The following ARHGAP35 variants were observed in gnomAD, a reference collection of about 807,000 sequenced individuals.
ARHGAP35 encodes the protein Rho GTPase activating protein 35, also known as rho GTPase-activating protein 35.
A neutral mutation model predicts 111.1 loss-of-function variants in ARHGAP35; 15 were observed. The observed-to-expected ratio is 0.13, with a 90% CI of 0.09 to 0.21. ARHGAP35 has a LOEUF of 0.21. Among genes scored for constraint, ARHGAP35 ranks in the 10% least tolerant of loss-of-function variants. The pLI is 1.00. For synonymous variants in ARHGAP35, 643 were observed against 710.3 expected, an observed-to-expected ratio of 0.91 and a Z score of 1.51; for missense variants, 1,262 against 1,873.0, an observed-to-expected ratio of 0.67 and a Z score of 6.02.
intron 1 of ARHGAP35, among the ~76,000 whole-genome samples, chr19:46,867,612 C>T (rs1218216442): frequency 6.6e-6 from 1 of 152,198 alleles, no homozygotes; most frequent in Non-Finnish European, 1.5e-5. Context: ...ATTGTCATCT[C>T]TCTCTCTAGA....
rs532483563 is a variant in ARHGAP35, at chr19:46,987,823, G to C, written c.3827-166G>C. Among the ~76,000 whole-genome samples, 4 of 152,278 alleles carry C rather than the reference G, an allele frequency of 2.6e-5. No individual in the cohort carries two copies. The East Asian group carries it at 7.7e-4, about 29-fold the overall frequency. ...GAAAAAGAAAATGGAGGTCAGATGG[G>C]TTGAAGCATCTAGAAAAATCAAACG... On this transcript the variant is annotated intron_variant, in intron 3 of 6. Coordinates refer to ENST00000672722, the MANE Select transcript of ARHGAP35 (RefSeq NM_004491.5).
rs1398181899 is a variant in ARHGAP35, at chr19:46,945,667, C to G, written c.3826+8259C>G. On this transcript the variant is annotated intron_variant, in intron 3 of 6. Transcript: ENST00000672722. The surrounding 1 kb of genome is among the most constrained non-coding windows in gnomAD (Gnocchi z 4.1). ...GTCTCAGCGTTCTGGAGACAGAATC[C>G]TAGTGCCCCACTTGCCTTGGCTCTG... is the stretch of plus-strand genomic sequence containing the variant. Among the ~76,000 whole-genome samples, 1 of 152,178 alleles carries G rather than the reference C, an allele frequency of 6.6e-6. No individual in the cohort carries two copies. Among genetic ancestry groups the G allele is most frequent in the Non-Finnish European group, 1.5e-5 (1 of 68,020 alleles).
rs143349819 is a variant in ARHGAP35 at position 46,866,993 on chromosome 19, G to A, written c.-189+5784G>A. Among the ~76,000 whole-genome samples, 1,196 of 152,272 alleles carry A rather than the reference G, an allele frequency of 7.9e-3. 8 individuals are homozygous for A. Among genetic ancestry groups the A allele is most frequent in the African/African-American group, 0.027 (1,119 of 41,538 alleles). On this transcript the variant is annotated intron_variant, in intron 1 of 6. Transcript: ENST00000672722. ...ATTAAGAAATGCAAACAAATAATTCGTGTTCATCTTCCCAAAACTTTTGAT... is the reference window on the plus strand; with the variant it reads ...ATTAAGAAATGCAAACAAATAATTCATGTTCATCTTCCCAAAACTTTTGAT...
chr19:46,967,013 G>A (rs1025239836), intron 3 of ARHGAP35, among the ~76,000 whole-genome samples: 1 of 152,176 alleles, frequency 6.6e-6, no homozygotes, highest in Admixed American at 6.5e-5. Context: ...TGAGAGTCAG[G>A]TGTAGAGGTG....
At chr19:46,913,214 C>T (rs1158173660) in intron 1 of ARHGAP35, among the ~76,000 whole-genome samples, 1 of 148,326 alleles carries the variant, frequency 6.7e-6, no homozygotes, top group African/African-American at 2.5e-5. Flanking sequence ...TTACAGAGCA[C>T]ACAAACATTT....
At chr19:46,949,521 A>G (rs1189819172) in intron 3 of ARHGAP35, among the ~76,000 whole-genome samples, 1 of 152,228 alleles carries the variant, frequency 6.6e-6, no homozygotes. Context: ...TGATACATTT[A>G]TAAAACAAGT....
rs1351073036 is a variant in ARHGAP35 at position 46,931,904 on chromosome 19, T to C, written c.3682-5360T>C. 5.9e-5 allele frequency among the ~76,000 whole-genome samples: 9 copies of C among 152,302 alleles called. No individual in the cohort carries two copies. In the South Asian group the frequency reaches 1.7e-3, roughly 28 times the overall value. Reference sequence around the variant, plus strand: ...TACCTTGCAGAGTGGTCGTGAAGTTTTGAATAATTGTGCAGAGCAGCTACC... The same window carrying C: ...TACCTTGCAGAGTGGTCGTGAAGTTCTGAATAATTGTGCAGAGCAGCTACC... On this transcript the variant is annotated intron_variant, in intron 2 of 6. Coordinates refer to ENST00000672722, the MANE Select transcript of ARHGAP35 (RefSeq NM_004491.5).
intron 1 of ARHGAP35, among the ~76,000 whole-genome samples, chr19:46,911,545 G>A (rs191351102): frequency 1.8e-4 from 28 of 152,310 alleles, no homozygotes; most frequent in Admixed American, 1.6e-3. Flanking sequence ...TTTAGCTGCT[G>A]TATAACTAGA....
At chr19:46,962,066 CT>C (rs1487417924) in intron 3 of ARHGAP35, among the ~76,000 whole-genome samples, 3 of 152,120 alleles carry the variant, frequency 2.0e-5, no homozygotes, top group African/African-American at 7.2e-5. Flanking sequence ...GCACAAAAGG[CT>C]TCTGGAATGC....
intron 5 of ARHGAP35, among the ~76,000 whole-genome samples, chr19:46,998,097 G>A (rs151328921): frequency 1.8e-3 from 271 of 151,100 alleles, no homozygotes; most frequent in African/African-American, 6.0e-3. Flanking sequence ...GTGAGACTCC[G>A]TCTCAAAAAA....
In ARHGAP35 at chr19:46,920,672, A is replaced by G. The variant is rs1011006322; in HGVS notation, c.1997A>G (p.Asn666Ser). The change falls in exon 2 of 7, where the codon AAT (asparagine) becomes AGT (serine). Residue 666 changes from asparagine (N) to serine (S), a missense_variant. Asn to Ser is a conservative substitution (Grantham distance 46). Coordinates refer to ENST00000672722, the MANE Select transcript of ARHGAP35 (RefSeq NM_004491.5). The surrounding 1 kb of genome is among the most constrained non-coding windows in gnomAD (Gnocchi z 7.0). ...FQPHGCLCLY[N>S]SKESLSYVVE... ...CCCCACGGCTGTCTCTGCCTTTACA[A>G]TTCAAAGGAATCGCTATCCTATGTA... 2 of 1,614,012 alleles carry G rather than the reference A, an allele frequency of 1.2e-6. No homozygotes were observed. Among genetic ancestry groups the G allele is most frequent in the South Asian group, 1.1e-5 (1 of 91,082 alleles).
chr19:46,965,850 A>C (rs981295561), intron 3 of ARHGAP35, among the ~76,000 whole-genome samples: 1 of 152,156 alleles, frequency 6.6e-6, no homozygotes, highest in Non-Finnish European at 1.5e-5. Context: ...AATATTCTTT[A>C]GCCTCACAAT....
intron 1 of ARHGAP35, among the ~76,000 whole-genome samples, chr19:46,896,085 A>G (rs2056054402): frequency 6.6e-6 from 1 of 151,634 alleles, no homozygotes; most frequent in Non-Finnish European, 1.5e-5. Flanking sequence ...CTCGGTGACA[A>G]GAATGAAACC....
intron 2 of ARHGAP35, among the ~76,000 whole-genome samples, chr19:46,928,355 C>CA (rs1194666155): frequency 6.6e-6 from 1 of 152,200 alleles, no homozygotes; most frequent in Non-Finnish European, 1.5e-5. Context: ...TGTAGGGACT[C>CA]AAATTATTCC....
chr19:46,872,683 G>A (rs939282169), intron 1 of ARHGAP35, among the ~76,000 whole-genome samples: 13 of 151,944 alleles, frequency 8.6e-5, no homozygotes, highest in Admixed American at 4.6e-4. Context: ...GATCGAGACC[G>A]TCCTGGCTAA....
Position 46,920,734 on chromosome 19 carries a change from G to C in ARHGAP35, c.2059G>C (p.Gly687Arg). The change falls in exon 2 of 7, where the codon GGC becomes CGC. Residue 687 changes from glycine to arginine, a missense_variant. This residue lies in a region of ARHGAP35 where 579 missense variants were observed against 716.9 expected (regional missense o/e 0.81). Transcript: ENST00000672722. The surrounding 1 kb of genome is among the most constrained non-coding windows in gnomAD (Gnocchi z 7.0). The part of the protein sequence containing the change: ...SIEKSRESTL[G>R]RRDNHLVHLP... ...AGAGAAGAGTAGAGAGTCCACGCTGGGCCGGCGGGATAATCATTTAGTCCA... is the reference window on the plus strand; with the variant it reads ...AGAGAAGAGTAGAGAGTCCACGCTGCGCCGGCGGGATAATCATTTAGTCCA... 1 of 1,612,522 alleles carries C rather than the reference G, an allele frequency of 6.2e-7. No homozygotes were observed. Among genetic ancestry groups the C allele is most frequent in the South Asian group, 1.1e-5 (1 of 90,936 alleles).
rs997810724 is a variant in ARHGAP35 at position 46,861,188 on chromosome 19, C to T, written c.-210C>T. ...GCTGCCGGGATTTTGGAGGCCGGGGCCGCGCTGAGGGCGCCCAGCTGGTGA... is the reference window on the plus strand; with the variant it reads ...GCTGCCGGGATTTTGGAGGCCGGGGTCGCGCTGAGGGCGCCCAGCTGGTGA... On this transcript the variant is annotated 5_prime_UTR_variant, in exon 1 of 7. Coordinates refer to ENST00000672722, the MANE Select transcript of ARHGAP35 (RefSeq NM_004491.5). Among the ~76,000 whole-genome samples the T allele has an allele frequency of 7.4e-4, 113 of 151,704 alleles. No homozygotes were observed. The highest frequency in any genetic ancestry group is 2.5e-3 in the African/African-American group (104 of 41,496).
intron 1 of ARHGAP35, among the ~76,000 whole-genome samples, chr19:46,913,856 A>T (rs1176133495): frequency 6.6e-6 from 1 of 152,224 alleles, no homozygotes; most frequent in Non-Finnish European, 1.5e-5. Context: ...TCTGTTGTGT[A>T]TCTTAGTTGC....
At chr19:46,958,588 G>A (rs372077408) in intron 3 of ARHGAP35, among the ~76,000 whole-genome samples, 9 of 152,224 alleles carry the variant, frequency 5.9e-5, no homozygotes, top group African/African-American at 1.4e-4. Flanking sequence ...ACTGGCCATC[G>A]GAGAGCTGCT....
Sources: allele counts gnomAD v4.1 joint callset (sites outside exome capture counted in the v4.1 genomes callset), GRCh38; gene constraint gnomAD v4.1.1; regional missense constraint gnomAD v4.1.1; non-coding constraint Gnocchi (gnomAD v3.1); transcripts MANE v1.5; gene names NCBI Gene and HGNC (gene_info 2026-07-23, HGNC 2026-07-21).